The following P3H1 variants were observed in gnomAD, a reference collection of about 807,000 sequenced individuals.
The protein encoded by P3H1 is growth suppressor 1.
P3H1 carries 69 observed loss-of-function variants against 84.0 expected under a neutral mutation model. The observed-to-expected ratio is 0.82, with a 90% CI of 0.68 to 1.00. P3H1 has a LOEUF of 1.00. Ranked by LOEUF, P3H1 falls within the 50% of genes least tolerant of loss-of-function variation. The pLI, the probability that P3H1 is intolerant of heterozygous loss-of-function variation, is 0.00. For missense variants in P3H1, 878 were observed against 962.8 expected, an observed-to-expected ratio of 0.91 and a Z score of 1.17; for synonymous variants, 366 against 388.8, an observed-to-expected ratio of 0.94 and a Z score of 0.69.
At chr1:42,756,362 A>C (rs768649090) in intron 5 of P3H1, 2 of 153,880 alleles carry the variant, frequency 1.3e-5, no homozygotes, top group Non-Finnish European at 2.9e-5. Context: ...AGGGCCTGGC[A>C]CTCTGGGCTT....
intron 5 of P3H1, among the ~76,000 whole-genome samples, chr1:42,756,826 A>G (rs1314308563): frequency 2.0e-5 from 3 of 152,238 alleles, no homozygotes; most frequent in Non-Finnish European, 1.5e-5. Flanking sequence ...AAGCCACTGC[A>G]CAAGTTACTT....
chr1:42,766,814 C>T lies in P3H1; in HGVS notation c.158G>A (p.Gly53Glu). 6.2e-7 allele frequency: 1 copy of T among 1,603,558 alleles called. No homozygotes were observed. Among genetic ancestry groups the T allele is most frequent in the Non-Finnish European group, 8.5e-7 (1 of 1,179,616 alleles). ...TAAYARGDWP[G>E]VVLSMERALR... Reference sequence around the variant, plus strand: ...CGCCCGTTCCATGCTCAGGACCACCCCGGGCCAGTCCCCGCGCGCGTAGGC... The same window carrying T: ...CGCCCGTTCCATGCTCAGGACCACCTCGGGCCAGTCCCCGCGCGCGTAGGC... Residue 53 changes from glycine to glutamate, a missense_variant, in exon 1 of 15, where the codon GGG (glycine) becomes GAG (glutamate). Gly to Glu is a moderately conservative substitution (Grantham distance 98). Coordinates refer to ENST00000296388, the MANE Select transcript of P3H1 (RefSeq NM_022356.4).
rs1652562624 is a variant in P3H1 at position 42,759,160 on chromosome 1, C to T, written c.808+41G>A. ...TTATCAGATGGTGACCTTAGAGTCC[C>T]AGGAGGCCTGGCTGAAGGTCTGGCT... is the stretch of plus-strand genomic sequence containing the variant. On this transcript the variant is annotated intron_variant, in intron 3 of 14. Coordinates refer to ENST00000296388, the MANE Select transcript of P3H1 (RefSeq NM_022356.4). 8 of 1,606,924 alleles carry T rather than the reference C, an allele frequency of 5.0e-6. No individual in the cohort carries two copies. The South Asian group carries it at 8.8e-5, about 18-fold the overall frequency.
At chr1:42,766,485 C>T in intron 1 of P3H1, 22 bp downstream of exon 1, 2 of 1,583,284 alleles carry the variant, frequency 1.3e-6, no homozygotes, top group Middle Eastern at 1.7e-4. Flanking sequence ...CCCCGGCCGC[C>T]TGGTTCCAGG....
intron 1 of P3H1, among the ~76,000 whole-genome samples, chr1:42,765,957 T>C (rs1415453678): frequency 6.6e-6 from 1 of 151,050 alleles, no homozygotes; most frequent in Non-Finnish European, 1.5e-5. Flanking sequence ...CACTCTGGCA[T>C]TCCGAAAAAT....
chr1:42,752,437 T>C (rs973943197), intron 9 of P3H1, 68 bp from the exon 10 acceptor site: 3 of 1,609,780 alleles, frequency 1.9e-6, no homozygotes, highest in Non-Finnish European at 2.5e-6. Flanking sequence ...GGTGGTCAAC[T>C]GTGGCCAGGA....
chr1:42,749,447 G>C (rs988518702), intron 11 of P3H1, among the ~76,000 whole-genome samples: 1 of 152,228 alleles, frequency 6.6e-6, no homozygotes, highest in African/African-American at 2.4e-5. Context: ...CATGCAAAAG[G>C]GAATGTGGGT....
At chr1:42,747,887 G>A (rs921844144) in intron 12 of P3H1, 89 bp from the exon 13 acceptor site, 1 of 1,285,554 alleles carries the variant, frequency 7.8e-7, no homozygotes, top group Non-Finnish European at 1.1e-6. Context: ...ACCAGCAGCA[G>A]GAGGGTGGCT....
intron 1 of P3H1, among the ~76,000 whole-genome samples, chr1:42,765,744 C>A (rs999492374): frequency 1.3e-5 from 2 of 152,058 alleles, no homozygotes; most frequent in African/African-American, 2.4e-5. Flanking sequence ...TTTCTCCCCC[C>A]ACCCCCAATA....
Position 42,746,601 on chromosome 1 carries a change from C to T in P3H1, c.*96G>A. On this transcript the variant is annotated 3_prime_UTR_variant, in exon 15 of 15. Coordinates refer to ENST00000296388, the MANE Select transcript of P3H1 (RefSeq NM_022356.4). ...CCCTCGGCTGAGTGGCAGATGTAGG[C>T]TCACTGCTCTGCAGCCCCGAGGGGC... 1 of 1,004,412 alleles carries T rather than the reference C, an allele frequency of 1.0e-6. No individual in the cohort carries two copies. The highest frequency in any genetic ancestry group is 1.5e-6 in the Non-Finnish European group (1 of 653,784). 62.2% of individuals were successfully genotyped at this position (1,004,412 alleles called of 1,614,324 possible). A position where few individuals can be genotyped will look rare whatever the true frequency, so the allele number is the denominator to read the frequency against.
intron 10 of P3H1, among the ~76,000 whole-genome samples, 186 bp from the exon 11 acceptor site, chr1:42,750,522 C>T (rs182854963): frequency 2.6e-4 from 39 of 152,326 alleles, no homozygotes; most frequent in East Asian, 2.1e-3. Flanking sequence ...ATAAGTCTCA[C>T]GAGATCTGGT....
At chr1:42,752,700 C>A in intron 8 of P3H1, 36 bp from the exon 9 acceptor site, 2 of 1,613,572 alleles carry the variant, frequency 1.2e-6, no homozygotes, top group Non-Finnish European at 1.7e-6. Context: ...CTAAATCTAG[C>A]AGCAGCTAGA....
intron 5 of P3H1, chr1:42,756,282 C>T (rs1405540136): frequency 6.5e-6 from 1 of 154,370 alleles, no homozygotes; most frequent in African/African-American, 2.4e-5. Flanking sequence ...GTGCTTTCTG[C>T]TCTGCCACCT....
chr1:42,750,354 G>A lies in P3H1; in HGVS notation c.1570-18C>T. 6.2e-7 allele frequency: 1 copy of A among 1,613,622 alleles called. No individual in the cohort carries two copies. The highest frequency in any genetic ancestry group is 8.5e-7 in the Non-Finnish European group (1 of 1,179,898). On this transcript the variant is annotated intron_variant, in intron 10 of 14. Transcript: ENST00000296388. ...TGCCCCAGCTGCCAAGGAGACAGAT[G>A]GTCAGCTGCCCTCAACGACTGATAT...
intron 8 of P3H1, among the ~76,000 whole-genome samples, chr1:42,753,320 C>A (rs751855986): frequency 2.6e-5 from 4 of 152,142 alleles, no homozygotes; most frequent in Admixed American, 6.5e-5. Context: ...TCTTTTCATA[C>A]GCTAATCTTG....
chr1:42,757,420 G>GA (rs544876888), intron 5 of P3H1, among the ~76,000 whole-genome samples: 9 of 151,798 alleles, frequency 5.9e-5, no homozygotes, highest in Admixed American at 3.9e-4. Context: ...CAGGTGAGCA[G>GA]AAAAAAAACA....
At position 42,754,797 on chromosome 1, in the gene P3H1, C is replaced by T; in HGVS notation, c.1345+72G>A. On this transcript the variant is annotated intron_variant, in intron 8 of 14. Transcript: ENST00000296388. The surrounding 1 kb of genome is among the most constrained non-coding windows in gnomAD (Gnocchi z 4.0). ...TCTGCAATGCTGGGGTGGAGCGCTG[C>T]CTGGCAAATGTGGGGTGACCTGCCT... 1 of 1,607,696 alleles carries T rather than the reference C, an allele frequency of 6.2e-7. No individual in the cohort carries two copies. Among genetic ancestry groups the T allele is most frequent in the Non-Finnish European group, 8.5e-7 (1 of 1,175,232 alleles).
At position 42,766,845 on chromosome 1, in the gene P3H1, T is replaced by A; in HGVS notation, c.127A>T (p.Thr43Ser). ...CAGTCCCCGCGCGCGTAGGCTGCGG[T>A]CCCCTCGGCGAAGAGCAGATCAGGC... Reference protein sequence around the residue: ...VTPDLLFAEGTAAYARGDWPG... With the variant: ...VTPDLLFAEGSAAYARGDWPG... The change falls in exon 1 of 15, where the codon ACC (threonine) becomes TCC (serine). Residue 43 changes from threonine (T) to serine (S), a missense_variant. Thr to Ser is a moderately conservative substitution (Grantham distance 58, BLOSUM62 1). Transcript: ENST00000296388. 6.2e-7 allele frequency: 1 copy of A among 1,605,550 alleles called. No individual in the cohort carries two copies. The highest frequency in any genetic ancestry group is 2.2e-5 in the East Asian group (1 of 44,862).
rs569945791 is a variant in P3H1, at chr1:42,754,557, T to C, written c.1345+312A>G. Among the ~76,000 whole-genome samples, 4 of 152,266 alleles carry C rather than the reference T, an allele frequency of 2.6e-5. No homozygotes were observed. The highest frequency in any genetic ancestry group is 4.4e-5 in the Non-Finnish European group (3 of 68,008). ...TTTTAAAGATGAGGTCTTGCTATATTGCCCAGGCTGGATTCAAACTCCTGG... is the reference window on the plus strand; with the variant it reads ...TTTTAAAGATGAGGTCTTGCTATATCGCCCAGGCTGGATTCAAACTCCTGG... On this transcript the variant is annotated intron_variant, in intron 8 of 14. Coordinates refer to ENST00000296388, the MANE Select transcript of P3H1 (RefSeq NM_022356.4). The surrounding 1 kb of genome is among the most constrained non-coding windows in gnomAD (Gnocchi z 4.0).
Sources: allele counts gnomAD v4.1 joint callset (sites outside exome capture counted in the v4.1 genomes callset), GRCh38; gene constraint gnomAD v4.1.1; non-coding constraint Gnocchi (gnomAD v3.1); transcripts MANE v1.5; gene names NCBI Gene and HGNC (gene_info 2026-07-23, HGNC 2026-07-21).